The following BCKDHB variants were observed in gnomAD, a reference collection of about 807,000 sequenced individuals.
The protein encoded by BCKDHB is 2-oxoisovalerate dehydrogenase subunit beta, mitochondrial.
BCKDHB carries 41 observed loss-of-function variants against 48.5 expected under a neutral mutation model. That is an observed-to-expected ratio of 0.85 (90% confidence interval 0.66 to 1.10). BCKDHB has a LOEUF of 1.10. BCKDHB is among the 50% of genes least tolerant of loss of function. The probability of loss-of-function intolerance (pLI) is 0.00; values close to 1 mark genes in which losing one functional copy is unlikely to be tolerated. For synonymous variants in BCKDHB, 201 were observed against 174.8 expected, an observed-to-expected ratio of 1.15 and a Z score of -1.18; for missense variants, 496 against 494.2, an observed-to-expected ratio of 1.00 and a Z score of -0.03.
the BCKDHB span, among the ~76,000 whole-genome samples, chr6:80,380,547 C>T: frequency 6.6e-6 from 1 of 151,538 alleles, no homozygotes; most frequent in Non-Finnish European, 1.5e-5. Flanking sequence ...ATGATGAAAC[C>T]CAAAAGCACA....
chr6:80,285,623 A>C lies in BCKDHB; in HGVS notation c.1038+12402A>C, dbSNP rs1766592155. 2.0e-5 allele frequency among the ~76,000 whole-genome samples: 3 copies of C among 152,106 alleles called. No individual in the cohort carries two copies. In the South Asian group the frequency reaches 6.2e-4, roughly 32 times the overall value. On this transcript the variant is annotated intron_variant, in intron 9 of 9. Coordinates refer to ENST00000320393, the MANE Select transcript of BCKDHB (RefSeq NM_183050.4). ...CAAACAAACAAACAACTTTCCGGGC[A>C]GTGTCCTCCATGCCAGTCTTGTGAA... is the stretch of plus-strand genomic sequence containing the variant.
chr6:80,452,814 A>G, the BCKDHB span, among the ~76,000 whole-genome samples: 1 of 152,224 alleles, frequency 6.6e-6, no homozygotes, highest in South Asian at 2.1e-4. Flanking sequence ...TCAAGGATAA[A>G]TAAAATCTCA....
chr6:80,404,581 T>G, the BCKDHB span, among the ~76,000 whole-genome samples: 3 of 152,016 alleles, frequency 2.0e-5, no homozygotes, highest in African/African-American at 7.2e-5. Context: ...GCTTTTAACT[T>G]TATTATTTTC....
At chr6:80,130,094 G>C (rs1215105421) in intron 3 of BCKDHB, among the ~76,000 whole-genome samples, 3 of 152,118 alleles carry the variant, frequency 2.0e-5, no homozygotes, top group Non-Finnish European at 2.9e-5. Flanking sequence ...AAAATAATCA[G>C]AATGCATTTT....
At chr6:80,347,793 C>T (rs74534400), downstream of BCKDHB, among the ~76,000 whole-genome samples, 2,500 of 152,208 alleles carry the variant, frequency 0.016, 32 homozygotes, top group Non-Finnish European at 0.024. Flanking sequence ...TAACACTAAA[C>T]TCAATCTATG....
chr6:80,253,537 T>C (rs1229990184), intron 8 of BCKDHB, among the ~76,000 whole-genome samples: 1 of 152,116 alleles, frequency 6.6e-6, no homozygotes, highest in Non-Finnish European at 1.5e-5. Flanking sequence ...GACTCTTTGA[T>C]TGATAAGATA....
the BCKDHB span, among the ~76,000 whole-genome samples, chr6:80,452,974 A>G: frequency 6.6e-6 from 1 of 152,222 alleles, no homozygotes; most frequent in Non-Finnish European, 1.5e-5. Context: ...AGAAACATGC[A>G]TAGATAAAAA....
chr6:80,298,925 G>A lies in BCKDHB; in HGVS notation c.1038+25704G>A, dbSNP rs77046101. Among the ~76,000 whole-genome samples, 452 of 152,200 alleles carry A rather than the reference G, an allele frequency of 3.0e-3. 4 individuals carry two copies. The highest frequency in any genetic ancestry group is 9.8e-3 in the African/African-American group (406 of 41,540). On this transcript the variant is annotated intron_variant, in intron 9 of 9. Coordinates refer to ENST00000320393, the MANE Select transcript of BCKDHB (RefSeq NM_183050.4). ...TTCCCCCTTTAGGGAGAGAAAAAGC[G>A]CCCCATGTCCTATGGTCCCGTATAT... is the stretch of plus-strand genomic sequence containing the variant.
chr6:80,436,847 T>A, the BCKDHB span, among the ~76,000 whole-genome samples: 1 of 152,228 alleles, frequency 6.6e-6, no homozygotes, highest in Non-Finnish European at 1.5e-5. Flanking sequence ...GAATATGTTT[T>A]CCTTTTAAGT....
At chr6:80,316,040 C>T (rs934463732) in intron 9 of BCKDHB, among the ~76,000 whole-genome samples, 1 of 152,178 alleles carries the variant, frequency 6.6e-6, no homozygotes, top group Non-Finnish European at 1.5e-5. Context: ...GGGGATCTTC[C>T]TCCCATCAGG....
the BCKDHB span, among the ~76,000 whole-genome samples, chr6:80,360,937 G>A: frequency 3.4e-5 from 5 of 148,106 alleles, no homozygotes; most frequent in African/African-American, 7.4e-5. Flanking sequence ...CCAGGGAGGC[G>A]GAGGTTGCAG....
chr6:80,214,367 A>G (rs1775071800), intron 8 of BCKDHB, among the ~76,000 whole-genome samples: 1 of 152,220 alleles, frequency 6.6e-6, no homozygotes, highest in African/African-American at 2.4e-5. Flanking sequence ...TTTATGGAGA[A>G]GTTGAAGAAT....
intron 1 of BCKDHB, among the ~76,000 whole-genome samples, chr6:80,126,610 A>G (rs1333102401): frequency 7.1e-6 from 1 of 141,028 alleles, no homozygotes; most frequent in Non-Finnish European, 1.6e-5. Flanking sequence ...ATCAGGCACT[A>G]GGATAAAGAG....
the BCKDHB span, among the ~76,000 whole-genome samples, chr6:80,362,957 A>G: frequency 6.6e-6 from 1 of 152,190 alleles, no homozygotes; most frequent in Non-Finnish European, 1.5e-5. Context: ...CTAAAATTCT[A>G]TGTAATTTTA....
At chr6:80,204,374 G>A (rs944539387) in intron 8 of BCKDHB, among the ~76,000 whole-genome samples, 1 of 152,116 alleles carries the variant, frequency 6.6e-6, no homozygotes, top group African/African-American at 2.4e-5. Flanking sequence ...GTAATTAAGA[G>A]CAATATTTCA....
chr6:80,195,146 C>T (rs761523774), intron 6 of BCKDHB, among the ~76,000 whole-genome samples: 5 of 151,548 alleles, frequency 3.3e-5, no homozygotes, highest in South Asian at 2.1e-4. Context: ...TTCTTGCCAG[C>T]GTGGACAATT....
chr6:80,371,905 C>A, the BCKDHB span, among the ~76,000 whole-genome samples: 4 of 152,058 alleles, frequency 2.6e-5, no homozygotes, highest in Non-Finnish European at 4.4e-5. Context: ...AGTTTGAAGT[C>A]AGGTAATGTG....
chr6:80,464,284 G>A, the BCKDHB span, among the ~76,000 whole-genome samples: 1 of 151,806 alleles, frequency 6.6e-6, no homozygotes, highest in African/African-American at 2.4e-5. Flanking sequence ...GTGTCACCAC[G>A]CCCGGCTAAT....
chr6:80,396,881 T>C, the BCKDHB span, among the ~76,000 whole-genome samples: 6 of 152,228 alleles, frequency 3.9e-5, no homozygotes, highest in Non-Finnish European at 7.3e-5. Flanking sequence ...TCACCCCGTC[T>C]TGGGTATGTC....
Sources: allele counts gnomAD v4.1 joint callset (sites outside exome capture counted in the v4.1 genomes callset), GRCh38; gene constraint gnomAD v4.1.1; transcripts MANE v1.5; gene names NCBI Gene and HGNC (gene_info 2026-07-23, HGNC 2026-07-21).